The following PTPRD variants were observed in gnomAD, a reference collection of about 807,000 sequenced individuals.
PTPRD encodes receptor-type tyrosine-protein phosphatase delta.
In PTPRD, 34 loss-of-function variants were observed where a neutral mutation model predicts 214.5. That is an observed-to-expected ratio of 0.16 (90% CI 0.12 to 0.21). PTPRD has a LOEUF of 0.21. Among genes scored for constraint, PTPRD ranks in the 10% least tolerant of loss-of-function variants. The pLI, the probability that PTPRD is intolerant of heterozygous loss-of-function variation, is 1.00. For missense variants in PTPRD, 2,545 were observed against 2,398.7 expected (o/e 1.06, Z -1.27); for synonymous variants, 1,128 against 845.7 (o/e 1.33, Z -5.79).
intron 14 of PTPRD, among the ~76,000 whole-genome samples, chr9:8,578,393 G>A (rs557706948): frequency 1.9e-4 from 25 of 134,836 alleles, no homozygotes; most frequent in Admixed American, 6.0e-4. Flanking sequence ...ATTAAACAGA[G>A]TTTAATGTTT....
At chr9:8,676,839 G>C (rs775706947) in intron 12 of PTPRD, among the ~76,000 whole-genome samples, 3 of 152,208 alleles carry the variant, frequency 2.0e-5, no homozygotes, top group Non-Finnish European at 2.9e-5. Flanking sequence ...CTCCCAAAGG[G>C]CTGGGACTGC....
rs565807431 is a variant in PTPRD, at chr9:8,456,765, G to C, written c.3875+3646C>G. 3.3e-5 allele frequency among the ~76,000 whole-genome samples: 5 copies of C among 152,070 alleles called. No individual in the cohort carries two copies. The East Asian group carries it at 9.7e-4, about 30-fold the overall frequency. Reference sequence around the variant, plus strand: ...ATCCTGGGATGGGGATGGAAAAATAGTGTGCATGCAGGCTAGATTATTACC... The same window carrying C: ...ATCCTGGGATGGGGATGGAAAAATACTGTGCATGCAGGCTAGATTATTACC... On this transcript the variant is annotated intron_variant, in intron 33 of 45. Transcript: ENST00000381196.
intron 9 of PTPRD, among the ~76,000 whole-genome samples, chr9:9,315,833 C>CTTTTTTTTTTTTTTTT (rs566821610): frequency 1.1e-5 from 1 of 93,316 alleles, no homozygotes; most frequent in Non-Finnish European, 2.1e-5. Flanking sequence ...TAGCAGACAA[C>CTTTTTTTTTTTTTTTT]TTTTTTTTTT....
intron 5 of PTPRD, among the ~76,000 whole-genome samples, chr9:9,807,654 T>G (rs1293894359): frequency 1.3e-5 from 2 of 152,180 alleles, no homozygotes; most frequent in African/African-American, 4.8e-5. Context: ...GCATATTCAC[T>G]TCGGAAACAA....
Position 8,499,758 on chromosome 9 carries a change from G to A in PTPRD, c.2211C>T (p.Pro737=), listed in dbSNP as rs757265834. 1 of 1,614,022 alleles carries A rather than the reference G, an allele frequency of 6.2e-7. No individual in the cohort carries two copies. The highest frequency in any genetic ancestry group is 8.5e-7 in the Non-Finnish European group (1 of 1,179,966). Residue 737 remains proline, a synonymous_variant, in exon 25 of 46, where the codon CCC becomes CCT. Coordinates refer to ENST00000381196, the MANE Select transcript of PTPRD (RefSeq NM_002839.4). ...CTCTTATCTGGCCATGCTGTTTATT[G>A]GGCACGGGTGAGCGCCATGAGACTT... ...SVKVSWRSPV[P]NKQHGQIRGY... is the part of the protein sequence containing the mutation.
At chr9:8,321,981 C>A (rs2130890526) in intron 44 of PTPRD, among the ~76,000 whole-genome samples, 1 of 151,960 alleles carries the variant, frequency 6.6e-6, no homozygotes, top group South Asian at 2.1e-4. Context: ...TGTAATATTT[C>A]AAATTTTTTC....
intron 2 of PTPRD, among the ~76,000 whole-genome samples, chr9:10,597,755 A>G (rs2076953868): frequency 6.6e-6 from 1 of 151,822 alleles, no homozygotes; most frequent in African/African-American, 2.4e-5. Flanking sequence ...ATTAATTGAA[A>G]TTATTAAAGT....
chr9:8,992,591 A>C (rs2099378974), intron 11 of PTPRD, among the ~76,000 whole-genome samples: 1 of 152,140 alleles, frequency 6.6e-6, no homozygotes, highest in African/African-American at 2.4e-5. Context: ...TTATGGTGAG[A>C]TAGGGTTCAA....
chr9:10,231,006 G>C (rs2099607498), intron 3 of PTPRD, among the ~76,000 whole-genome samples: 1 of 151,856 alleles, frequency 6.6e-6, no homozygotes, highest in South Asian at 2.1e-4. Context: ...GGAGGACTTG[G>C]GGCTGCTAGT....
At chr9:9,406,641 G>A (rs1302905293) in intron 8 of PTPRD, among the ~76,000 whole-genome samples, 1 of 151,770 alleles carries the variant, frequency 6.6e-6, no homozygotes, top group Admixed American at 6.6e-5. Context: ...ATTCCCAAAA[G>A]CAAGAGGATT....
intron 14 of PTPRD, among the ~76,000 whole-genome samples, chr9:8,584,978 G>A (rs1470917891): frequency 2.0e-5 from 3 of 152,128 alleles, no homozygotes; most frequent in East Asian, 1.9e-4. Flanking sequence ...AGAACAGCAC[G>A]GAGGTAATCT....
At chr9:9,234,252 T>G (rs1467992044) in intron 9 of PTPRD, among the ~76,000 whole-genome samples, 1 of 152,210 alleles carries the variant, frequency 6.6e-6, no homozygotes, top group Non-Finnish European at 1.5e-5. Context: ...TCTGAAGCCA[T>G]GTCCCATGCT....
intron 14 of PTPRD, among the ~76,000 whole-genome samples, chr9:8,534,089 G>A (rs1199654723): frequency 6.6e-6 from 1 of 151,982 alleles, no homozygotes; most frequent in Non-Finnish European, 1.5e-5. Flanking sequence ...GTCAGCAAGT[G>A]ATTTTCCTTC....
chr9:8,595,951 G>T (rs901570927), intron 14 of PTPRD, among the ~76,000 whole-genome samples: 1 of 152,128 alleles, frequency 6.6e-6, no homozygotes, highest in Non-Finnish European at 1.5e-5. Context: ...CTATGCCATT[G>T]TATATCGCTA....
At chr9:9,175,592 C>T (rs1041506309) in intron 10 of PTPRD, among the ~76,000 whole-genome samples, 12 of 137,024 alleles carry the variant, frequency 8.8e-5, no homozygotes, top group African/African-American at 3.3e-4. Flanking sequence ...TGCTGCACTC[C>T]AGCTTGGGCA....
intron 10 of PTPRD, among the ~76,000 whole-genome samples, chr9:9,129,778 T>G (rs1237220160): frequency 2.0e-5 from 3 of 152,198 alleles, no homozygotes; most frequent in Non-Finnish European, 4.4e-5. Flanking sequence ...CATATTGACA[T>G]TGTAGTTATT....
chr9:8,436,824 G>A, intron 34 of PTPRD, 135 bp from the exon 35 acceptor site: 2 of 688,084 alleles, frequency 2.9e-6, no homozygotes, highest in Non-Finnish European at 2.4e-6. Flanking sequence ...AGGTGAGGAA[G>A]CAGGCAAATA....
At chr9:9,911,361 C>A (rs2079131401) in intron 5 of PTPRD, among the ~76,000 whole-genome samples, 1 of 152,044 alleles carries the variant, frequency 6.6e-6, no homozygotes, top group Admixed American at 6.6e-5. Context: ...CACTTCCAAA[C>A]TTGTTTGAAT....
chr9:9,219,925 T>C (rs1355600388), intron 9 of PTPRD, among the ~76,000 whole-genome samples: 2 of 152,180 alleles, frequency 1.3e-5, no homozygotes, highest in Non-Finnish European at 2.9e-5. Flanking sequence ...ATTAGCTCAA[T>C]ACAATTTGCA....
Sources: allele counts gnomAD v4.1 joint callset (sites outside exome capture counted in the v4.1 genomes callset), GRCh38; gene constraint gnomAD v4.1.1; transcripts MANE v1.5; gene names NCBI Gene and HGNC (gene_info 2026-07-23, HGNC 2026-07-21).